The following EPB41L5 variants were observed in gnomAD, a reference collection of about 807,000 sequenced individuals.
EPB41L5 encodes the protein erythrocyte membrane protein band 4.1 like 5.
In EPB41L5, 55 loss-of-function variants were observed where a neutral mutation model predicts 106.6. The ratio of observed to expected loss-of-function variants is 0.52; its 90% CI spans 0.42 to 0.65. EPB41L5 has a LOEUF of 0.65. Ranked by LOEUF, EPB41L5 falls within the 30% of genes least tolerant of loss-of-function variation. EPB41L5 has a pLI of 0.00. For missense variants in EPB41L5, 871 were observed against 882.1 expected (o/e 0.99, Z 0.16); for synonymous variants, 297 against 306.7 (o/e 0.97, Z 0.33).
intron 16 of EPB41L5, among the ~76,000 whole-genome samples, chr2:120,114,050 A>G (rs1171852042): frequency 1.3e-5 from 2 of 152,276 alleles, no homozygotes; most frequent in African/African-American, 4.8e-5. Context: ...TCTATTTTTA[A>G]CATGTTGAGG....
chr2:120,156,189 A>G (rs1356562201), intron 20 of EPB41L5, among the ~76,000 whole-genome samples: 3 of 152,138 alleles, frequency 2.0e-5, no homozygotes, highest in Admixed American at 1.3e-4. Context: ...TCCATCAGGT[A>G]GGGCTGCTCT....
chr2:120,028,116 G>A (rs971157026), intron 2 of EPB41L5, among the ~76,000 whole-genome samples: 5 of 151,928 alleles, frequency 3.3e-5, no homozygotes, highest in African/African-American at 9.7e-5. Context: ...CACCCGCCTC[G>A]GCCTCCCAAA....
intron 21 of EPB41L5, among the ~76,000 whole-genome samples, chr2:120,164,500 C>T (rs754583065): frequency 3.3e-5 from 5 of 152,158 alleles, no homozygotes; most frequent in African/African-American, 7.2e-5. Flanking sequence ...GTGTGAGCCA[C>T]TGCATCCAGC....
intron 3 of EPB41L5, among the ~76,000 whole-genome samples, chr2:120,045,479 T>A (rs1298556141): frequency 6.6e-6 from 1 of 152,130 alleles, no homozygotes; most frequent in Non-Finnish European, 1.5e-5. Flanking sequence ...CTGAATTCTT[T>A]AGTGTATGTG....
chr2:120,062,010 G>T (rs924481811), intron 3 of EPB41L5, among the ~76,000 whole-genome samples: 1 of 151,966 alleles, frequency 6.6e-6, no homozygotes, highest in Non-Finnish European at 1.5e-5. Context: ...ATTTTTTTGA[G>T]ATCCCTAGAT....
intron 3 of EPB41L5, among the ~76,000 whole-genome samples, chr2:120,051,459 A>G (rs2459786): frequency 0.99 from 150,980 of 152,346 alleles, 74,831 homozygotes; most frequent in East Asian, 1. Context: ...CGAGCCAGGC[A>G]CAGGATATAA....
At chr2:120,043,242 T>TA (rs1418737842) in intron 3 of EPB41L5, among the ~76,000 whole-genome samples, 1 of 151,938 alleles carries the variant, frequency 6.6e-6, no homozygotes, top group Non-Finnish European at 1.5e-5. Flanking sequence ...TGCAGCTCAT[T>TA]AAAAATAGCG....
At chr2:120,026,206 T>G (rs942131037) in intron 2 of EPB41L5, among the ~76,000 whole-genome samples, 3 of 152,200 alleles carry the variant, frequency 2.0e-5, no homozygotes, top group Non-Finnish European at 4.4e-5. Flanking sequence ...TATTGATATA[T>G]CGTAGTCGTA....
chr2:120,061,844 G>A (rs1003678151), intron 3 of EPB41L5, among the ~76,000 whole-genome samples: 1 of 152,066 alleles, frequency 6.6e-6, no homozygotes, highest in Non-Finnish European at 1.5e-5. Flanking sequence ...TAAATTGTTT[G>A]GAAAGCTTGT....
intron 3 of EPB41L5, among the ~76,000 whole-genome samples, chr2:120,056,818 A>G (rs1680686310): frequency 6.6e-6 from 1 of 152,032 alleles, no homozygotes; most frequent in South Asian, 2.1e-4. Context: ...CATTGAAACC[A>G]TCTGGTTCTG....
At chr2:120,129,944 G>A (rs150325592) in intron 17 of EPB41L5, among the ~76,000 whole-genome samples, 6,956 of 152,208 alleles carry the variant, frequency 0.046, 227 homozygotes, top group Non-Finnish European at 0.071. Flanking sequence ...TCAGCAGTTC[G>A]AGACCAGCCT....
rs778060801 is a variant in EPB41L5, at chr2:120,167,968, T to A, written c.2096T>A (p.Ile699Asn). The A allele has an allele frequency of 6.2e-7, 1 of 1,614,064 alleles. No homozygotes were observed. Among genetic ancestry groups the A allele is most frequent in the Admixed American group, 1.7e-5 (1 of 60,012 alleles). The change falls in exon 24 of 25, where the codon ATC becomes AAC. Residue 699 changes from isoleucine (I) to asparagine (N), a missense_variant. Coordinates refer to ENST00000263713, the MANE Select transcript of EPB41L5 (RefSeq NM_020909.4). ...GHGNKDGISL[I>N]SPPAPFLVDA... ...GGTAATAAAGATGGAATCTCACTGA[T>A]CTCTCCCCCAGCGCCATTCTTGGTA...
intron 3 of EPB41L5, among the ~76,000 whole-genome samples, chr2:120,059,369 T>C (rs1047451687): frequency 2.0e-5 from 3 of 152,116 alleles, no homozygotes; most frequent in African/African-American, 7.2e-5. Flanking sequence ...TATAAAACTA[T>C]GAAACTTAGA....
chr2:120,021,067 T>C (rs996327463), intron 2 of EPB41L5, among the ~76,000 whole-genome samples: 4 of 152,220 alleles, frequency 2.6e-5, no homozygotes, highest in Non-Finnish European at 4.4e-5. Flanking sequence ...GTCAGCCAGG[T>C]GCAGTGGCTT....
intron 16 of EPB41L5, chr2:120,104,182 A>G (rs984027703): frequency 3.3e-6 from 5 of 1,536,130 alleles, no homozygotes; most frequent in Non-Finnish European, 4.4e-6. Flanking sequence ...AATGTGAAGA[A>G]TGCAGGAATC....
chr2:120,134,799 T>C (rs1183740292), intron 18 of EPB41L5, among the ~76,000 whole-genome samples: 2 of 152,144 alleles, frequency 1.3e-5, no homozygotes, highest in African/African-American at 4.8e-5. Flanking sequence ...CAACATTCAG[T>C]TCCCTTTGAA....
intron 11 of EPB41L5, among the ~76,000 whole-genome samples, chr2:120,087,510 G>A (rs563147438): frequency 2.0e-5 from 3 of 152,102 alleles, no homozygotes; most frequent in Non-Finnish European, 2.9e-5. Context: ...ATTTAAGTGA[G>A]CCAGCCAGTC....
At chr2:120,112,533 A>G (rs1006260749) in intron 16 of EPB41L5, among the ~76,000 whole-genome samples, 21 of 152,208 alleles carry the variant, frequency 1.4e-4, no homozygotes, top group Admixed American at 2.6e-4. Flanking sequence ...AAATCCAGCA[A>G]GCAAGAAGAG....
chr2:120,081,009 G>A (rs1373087559), intron 10 of EPB41L5, among the ~76,000 whole-genome samples: 1 of 151,766 alleles, frequency 6.6e-6, no homozygotes, highest in Non-Finnish European at 1.5e-5. Flanking sequence ...CTAGATATTA[G>A]CACTTTGTCA....
Sources: gnomAD v4.1 joint callset for allele counts (sites outside exome capture counted in the v4.1 genomes callset) on GRCh38, gnomAD v4.1.1 for gene constraint, MANE v1.5 for transcripts, NCBI Gene and HGNC (gene_info 2026-07-23, HGNC 2026-07-21) for gene names.